The following GABRG3 variants were observed in gnomAD, a reference collection of about 807,000 sequenced individuals.
GABRG3 encodes the protein gamma-aminobutyric acid receptor subunit gamma-3.
GABRG3 carries 25 observed loss-of-function variants against 48.8 expected under a neutral mutation model. The ratio of observed to expected loss-of-function variants is 0.51; its 90% confidence interval spans 0.37 to 0.72. GABRG3 has a LOEUF of 0.72. Ranked by LOEUF, GABRG3 falls within the 30% of genes least tolerant of loss-of-function variation. The pLI is 0.00. For missense variants in GABRG3, 394 were observed against 577.9 expected, an observed-to-expected ratio of 0.68 and a Z score of 3.26; for synonymous variants, 227 against 217.6, an observed-to-expected ratio of 1.04 and a Z score of -0.38.
rs114427326 is a variant in GABRG3, at chr15:27,324,335, T to A, written c.271-2474T>A. Among the ~76,000 whole-genome samples the A allele has an allele frequency of 4.0e-3, 602 of 152,202 alleles. 5 individuals are homozygous for A. The highest frequency in any genetic ancestry group is 0.014 in the African/African-American group (573 of 41,536). On this transcript the variant is annotated intron_variant, in intron 3 of 9. Coordinates refer to ENST00000615808, the MANE Select transcript of GABRG3 (RefSeq NM_033223.5). ...TCCCTCCTGCCCCACACGTGCAGTGTATGTACTAAGGTGGAAAAGGGCCAG... is the reference window on the plus strand; with the variant it reads ...TCCCTCCTGCCCCACACGTGCAGTGAATGTACTAAGGTGGAAAAGGGCCAG...
At chr15:27,407,180 C>A (rs944829503) in intron 5 of GABRG3, among the ~76,000 whole-genome samples, 2 of 152,076 alleles carry the variant, frequency 1.3e-5, no homozygotes, top group African/African-American at 4.8e-5. Context: ...CCCAACTTGG[C>A]CTCCCAAATT....
chr15:27,135,675 G>T (rs1897996107), intron 3 of GABRG3, among the ~76,000 whole-genome samples: 1 of 152,256 alleles, frequency 6.6e-6, no homozygotes, highest in Non-Finnish European at 1.5e-5. Context: ...GGGAGCCCGA[G>T]GCAGGTGGGT....
At chr15:27,501,802 CAA>C (rs1412384922) in intron 6 of GABRG3, among the ~76,000 whole-genome samples, 22 of 152,200 alleles carry the variant, frequency 1.4e-4, no homozygotes, top group South Asian at 4.1e-4. Flanking sequence ...GGATGAGAAA[CAA>C]AGAGTTTTCA....
At chr15:27,006,552 T>C (rs1209736341) in intron 2 of GABRG3, among the ~76,000 whole-genome samples, 1 of 152,190 alleles carries the variant, frequency 6.6e-6, no homozygotes, top group Non-Finnish European at 1.5e-5. Flanking sequence ...GTTTGTCATA[T>C]AGGTAAATTT....
intron 3 of GABRG3, among the ~76,000 whole-genome samples, chr15:27,187,048 T>A (rs1038284099): frequency 1.4e-5 from 2 of 138,588 alleles, no homozygotes; most frequent in African/African-American, 5.6e-5. Context: ...ATTTTTATAG[T>A]TTGAGGTCTT....
chr15:27,100,880 T>C (rs1287495536), intron 3 of GABRG3, among the ~76,000 whole-genome samples: 1 of 152,128 alleles, frequency 6.6e-6, no homozygotes, highest in East Asian at 1.9e-4. Context: ...GCATCAAACT[T>C]GATGGTGAAA....
chr15:27,333,693 C>T (rs556859183), intron 5 of GABRG3, among the ~76,000 whole-genome samples: 16 of 152,250 alleles, frequency 1.1e-4, no homozygotes, highest in African/African-American at 3.4e-4. Context: ...TTGCCTGCCA[C>T]GAGTACTAGT....
intron 5 of GABRG3, among the ~76,000 whole-genome samples, chr15:27,436,288 C>T (rs1888607561): frequency 6.6e-6 from 1 of 152,136 alleles, no homozygotes; most frequent in Non-Finnish European, 1.5e-5. Flanking sequence ...GCACTAATCC[C>T]ACTTGTGGGG....
intron 2 of GABRG3, among the ~76,000 whole-genome samples, chr15:27,025,841 A>G (rs527445331): frequency 6.6e-6 from 1 of 152,310 alleles, no homozygotes; most frequent in African/African-American, 2.4e-5. Context: ...TCTTGTTCAT[A>G]TTCCTCCTGG....
At chr15:27,525,392 T>C (rs1403154054) in intron 7 of GABRG3, among the ~76,000 whole-genome samples, 3 of 152,166 alleles carry the variant, frequency 2.0e-5, no homozygotes, top group African/African-American at 7.2e-5. Flanking sequence ...CTGAAGTCCT[T>C]TGTGCTTTCC....
At chr15:27,419,298 A>G (rs888773791) in intron 5 of GABRG3, among the ~76,000 whole-genome samples, 1 of 151,890 alleles carries the variant, frequency 6.6e-6, no homozygotes, top group African/African-American at 2.4e-5. Context: ...CACAGCTTTC[A>G]TGACCACCCG....
chr15:27,181,085 C>T (rs1392706107), intron 3 of GABRG3, among the ~76,000 whole-genome samples: 1 of 152,142 alleles, frequency 6.6e-6, no homozygotes, highest in Non-Finnish European at 1.5e-5. Flanking sequence ...TCCATGAAAC[C>T]TCTGTGGCTC....
intron 3 of GABRG3, among the ~76,000 whole-genome samples, chr15:27,308,452 C>G (rs937074277): frequency 7.1e-6 from 1 of 141,310 alleles, no homozygotes; most frequent in Non-Finnish European, 1.5e-5. Flanking sequence ...TAAACATATG[C>G]AAACATACAT....
chr15:26,972,102 G>T (rs1894857525), intron 1 of GABRG3, among the ~76,000 whole-genome samples: 1 of 152,142 alleles, frequency 6.6e-6, no homozygotes, highest in African/African-American at 2.4e-5. Context: ...GTGGGCAGAA[G>T]AAAGCCCTGC....
rs79217101 is a variant in GABRG3 at position 27,352,912 on chromosome 15, C to T, written c.574+24024C>T. Among the ~76,000 whole-genome samples, 2,806 of 152,280 alleles carry T rather than the reference C, an allele frequency of 0.018. 94 individuals carry two copies. The highest frequency in any genetic ancestry group is 0.064 in the African/African-American group (2,653 of 41,520). On this transcript the variant is annotated intron_variant, in intron 5 of 9. Coordinates refer to ENST00000615808, the MANE Select transcript of GABRG3 (RefSeq NM_033223.5). This position sits in a 1 kb window ranked among gnomAD's most constrained non-coding sequence, Gnocchi z 4.0. Reference sequence around the variant, plus strand: ...CATTGCATCTGCATTATCTTATCATCACGATTGCTGACAATGAGCCATTGA... The same window carrying T: ...CATTGCATCTGCATTATCTTATCATTACGATTGCTGACAATGAGCCATTGA...
chr15:27,016,976 TA>T (rs1324493776), intron 2 of GABRG3, among the ~76,000 whole-genome samples: 2 of 152,226 alleles, frequency 1.3e-5, no homozygotes, highest in Non-Finnish European at 2.9e-5. Context: ...TTTCTGATAT[TA>T]TCATTTTGTT....
rs541801981 is a variant in GABRG3 at position 27,232,667 on chromosome 15, G to A, written c.271-94142G>A. ...TCATTCAGTCTTGACTTGGGGATAG[G>A]AGACAACAAGGCCTGGCTGAAAAAG... On this transcript the variant is annotated intron_variant, in intron 3 of 9. Transcript: ENST00000615808. Among the ~76,000 whole-genome samples, 20 of 152,324 alleles carry A rather than the reference G, an allele frequency of 1.3e-4. No individual in the cohort carries two copies. In the South Asian group the frequency reaches 3.5e-3, roughly 27 times the overall value.
chr15:27,185,531 C>T (rs369858913), intron 3 of GABRG3, among the ~76,000 whole-genome samples: 6 of 152,046 alleles, frequency 3.9e-5, no homozygotes, highest in East Asian at 1.9e-4. Context: ...GTAGAGTTTT[C>T]GGTATATGTC....
chr15:27,031,669 A>G (rs1313771671), intron 3 of GABRG3, among the ~76,000 whole-genome samples: 1 of 152,190 alleles, frequency 6.6e-6, no homozygotes, highest in African/African-American at 2.4e-5. Flanking sequence ...ATCATAAAGA[A>G]CACATGAGGC....
Sources: allele counts gnomAD v4.1 joint callset (sites outside exome capture counted in the v4.1 genomes callset), GRCh38; gene constraint gnomAD v4.1.1; non-coding constraint Gnocchi (gnomAD v3.1); transcripts MANE v1.5; gene names NCBI Gene and HGNC (gene_info 2026-07-23, HGNC 2026-07-21).